SOX6: variants seen among roughly 807,000 people sequenced by gnomAD.
The protein encoded by SOX6 is transcription factor SOX-6.
SOX6 carries 11 observed loss-of-function variants against 97.8 expected under a neutral mutation model. The observed-to-expected ratio is 0.11, with a 90% CI of 0.07 to 0.19. The LOEUF (loss-of-function observed/expected upper bound fraction) is 0.19. Among genes scored for constraint, SOX6 ranks in the 10% least tolerant of loss-of-function variants. The probability of loss-of-function intolerance (pLI) is 1.00; values close to 1 mark genes in which losing one functional copy is unlikely to be tolerated. For missense variants in SOX6, 810 were observed against 1,039.5 expected (o/e 0.78, Z 3.04); for synonymous variants, 360 against 371.4 (o/e 0.97, Z 0.35).
At chr11:16,306,320 C>G (rs934633711) in intron 3 of SOX6, among the ~76,000 whole-genome samples, 2 of 152,070 alleles carry the variant, frequency 1.3e-5, no homozygotes, top group Non-Finnish European at 2.9e-5. Context: ...AAAGAGCAAA[C>G]AGCATAATTA....
At chr11:16,583,638 C>CATATATATATATATATATATATATATAT (rs1329710047) in intron 4 of SOX6, among the ~76,000 whole-genome samples, 3 of 104,598 alleles carry the variant, frequency 2.9e-5, no homozygotes, top group Non-Finnish European at 4.4e-5. Flanking sequence ...TATATATATA[C>CATATATATATATATATATATATATATAT]ACATACACAC....
chr11:16,324,354 A>T (rs529265858), intron 2 of SOX6, among the ~76,000 whole-genome samples: 1 of 152,280 alleles, frequency 6.6e-6, no homozygotes, highest in South Asian at 2.1e-4. Flanking sequence ...AAAAACAAAC[A>T]TACCTATTGA....
intron 3 of SOX6, among the ~76,000 whole-genome samples, chr11:16,640,413 C>T (rs186223492): frequency 2.0e-5 from 3 of 152,244 alleles, no homozygotes; most frequent in Admixed American, 6.5e-5. Flanking sequence ...ATCAGGATGA[C>T]GCTGGCCTTA....
intron 3 of SOX6, among the ~76,000 whole-genome samples, chr11:16,665,673 G>A (rs2134021421): frequency 6.6e-6 from 1 of 152,294 alleles, no homozygotes; most frequent in Non-Finnish European, 1.5e-5. Context: ...TTATTGCAGA[G>A]GCCTAGAGCA....
At chr11:16,685,464 A>G (rs1429674008) in intron 3 of SOX6, among the ~76,000 whole-genome samples, 1 of 152,276 alleles carries the variant, frequency 6.6e-6, no homozygotes, top group Non-Finnish European at 1.5e-5. Flanking sequence ...AATGGGTTAC[A>G]GGCCCCATGA....
intron 12 of SOX6, among the ~76,000 whole-genome samples, chr11:16,021,013 T>C (rs999171878): frequency 1.3e-5 from 2 of 152,136 alleles, no homozygotes; most frequent in Non-Finnish European, 2.9e-5. Flanking sequence ...ACACCTTAAA[T>C]ATTTTATAAA....
chr11:16,592,367 G>A (rs1848163968), intron 4 of SOX6, among the ~76,000 whole-genome samples: 3 of 149,506 alleles, frequency 2.0e-5, no homozygotes, highest in Admixed American at 1.3e-4. Context: ...TTGACCTCAG[G>A]TACTGAAAAT....
chr11:16,046,428 G>A (rs1051550033), intron 12 of SOX6, 86 bp downstream of exon 12: 3 of 1,460,178 alleles, frequency 2.1e-6, no homozygotes, highest in African/African-American at 2.8e-5. Context: ...TATGGCTGCA[G>A]GTTGATACCT....
At chr11:16,199,343 T>C (rs1209316133) in intron 4 of SOX6, among the ~76,000 whole-genome samples, 1 of 152,198 alleles carries the variant, frequency 6.6e-6, no homozygotes, top group Non-Finnish European at 1.5e-5. Flanking sequence ...AAACACTTTC[T>C]ATGTGCTAGG....
intron 13 of SOX6, among the ~76,000 whole-genome samples, chr11:15,992,120 T>C (rs1231865217): frequency 6.6e-6 from 1 of 152,128 alleles, no homozygotes; most frequent in African/African-American, 2.4e-5. Flanking sequence ...AAAACATGAA[T>C]TAAGAAGGAG....
intron 13 of SOX6, among the ~76,000 whole-genome samples, chr11:16,008,131 C>A (rs1854610802): frequency 6.6e-6 from 1 of 152,006 alleles, no homozygotes; most frequent in Non-Finnish European, 1.5e-5. Context: ...CTTATGTTAC[C>A]TTATACAATG....
At chr11:16,137,262 C>G (rs1849991380) in intron 6 of SOX6, among the ~76,000 whole-genome samples, 1 of 151,956 alleles carries the variant, frequency 6.6e-6, no homozygotes, top group African/African-American at 2.4e-5. Flanking sequence ...ATGGTCTCTA[C>G]TAAAATACAA....
chr11:16,296,610 GA>G (rs1855098738), intron 3 of SOX6, among the ~76,000 whole-genome samples: 1 of 152,212 alleles, frequency 6.6e-6, no homozygotes, highest in Admixed American at 6.6e-5. Context: ...ATGTTTTGGT[GA>G]AAATGTTTAA....
chr11:16,734,834 A>G (rs1848379947), intron 2 of SOX6, among the ~76,000 whole-genome samples: 1 of 152,210 alleles, frequency 6.6e-6, no homozygotes. Context: ...AGAACAGTCA[A>G]CAAGACTAGT....
intron 2 of SOX6, among the ~76,000 whole-genome samples, chr11:16,332,421 A>G (rs928224938): frequency 2.6e-4 from 40 of 152,282 alleles, no homozygotes; most frequent in African/African-American, 7.7e-4. Context: ...GAATGAGGGC[A>G]CACTTCCTCT....
intron 1 of SOX6, among the ~76,000 whole-genome samples, chr11:16,385,952 G>T (rs1395241139): frequency 6.6e-6 from 1 of 152,024 alleles, no homozygotes; most frequent in Admixed American, 6.6e-5. Flanking sequence ...CTGTTGAATT[G>T]CCTTGGGCCA....
At chr11:16,220,084 C>T (rs1448827279) in intron 4 of SOX6, among the ~76,000 whole-genome samples, 1 of 151,992 alleles carries the variant, frequency 6.6e-6, no homozygotes, top group African/African-American at 2.4e-5. Flanking sequence ...TTTGTGTTCA[C>T]TAATTCACAT....
At chr11:15,987,620 T>A (rs1158623073) in intron 14 of SOX6, among the ~76,000 whole-genome samples, 5 of 151,442 alleles carry the variant, frequency 3.3e-5, no homozygotes, top group Non-Finnish European at 5.9e-5. Context: ...CTCATATTGC[T>A]ACTAAAAGGG....
At chr11:16,393,179 A>G (rs942130262) in intron 1 of SOX6, among the ~76,000 whole-genome samples, 7 of 152,140 alleles carry the variant, frequency 4.6e-5, no homozygotes, top group African/African-American at 1.7e-4. Flanking sequence ...ATCTCAGGAC[A>G]CCTACTGAAT....
Sources: gnomAD v4.1 joint callset for allele counts (sites outside exome capture counted in the v4.1 genomes callset) on GRCh38, gnomAD v4.1.1 for gene constraint, MANE v1.5 for transcripts, NCBI Gene and HGNC (gene_info 2026-07-23, HGNC 2026-07-21) for gene names.